CD36: variants seen among roughly 807,000 people sequenced by gnomAD.
The protein encoded by CD36 is CD36 molecule (CD36 blood group).
CD36 carries 119 observed loss-of-function variants against 55.2 expected under a neutral mutation model. That is an observed-to-expected ratio of 2.15 (90% CI 1.86 to 2.51). CD36 has a LOEUF of 2.51. Ranked by LOEUF, CD36 falls within the 30% of genes most tolerant of loss-of-function variation. The pLI, the probability that CD36 is intolerant of heterozygous loss-of-function variation, is 0.00. For missense variants in CD36, 819 were observed against 555.5 expected, an observed-to-expected ratio of 1.47 and a Z score of -4.77; for synonymous variants, 186 against 193.6, an observed-to-expected ratio of 0.96 and a Z score of 0.33.
chr7:80,669,310 A>G (rs1426425176), intron 8 of CD36, among the ~76,000 whole-genome samples: 1 of 152,224 alleles, frequency 6.6e-6, no homozygotes, highest in African/African-American at 2.4e-5. Context: ...AAATCTGGCT[A>G]GTATGATTTG....
At chr7:80,661,357 T>C (rs985684713) in intron 5 of CD36, 147 bp downstream of exon 5, 11 of 758,222 alleles carry the variant, frequency 1.5e-5, no homozygotes, top group Middle Eastern at 3.5e-4. Flanking sequence ...GGAGGCATGG[T>C]CATTTGGAAA....
intron 11 of CD36, 30 bp downstream of exon 11, chr7:80,672,070 G>C (rs555780280): frequency 5.2e-6 from 8 of 1,538,366 alleles, no homozygotes; most frequent in Non-Finnish European, 7.2e-6. Context: ...ATCTGATTTG[G>C]TTGATATTTT....
In CD36 at chr7:80,671,072, A is replaced by G; in HGVS notation, c.914A>G (p.Glu305Gly). ...LPSKAFASPV[E>G]NPDNYCFCTE... Reference sequence around the variant, plus strand: ...TCCAAGGCCTTTGCCTCTCCAGTTGAAAACCCAGACAACTATTGTTTCTGC... The same window carrying G: ...TCCAAGGCCTTTGCCTCTCCAGTTGGAAACCCAGACAACTATTGTTTCTGC... The change falls in exon 10 of 15, where the codon GAA becomes GGA. Residue 305 changes from glutamate to glycine, a missense_variant. Transcript: ENST00000447544. 6.2e-7 allele frequency: 1 copy of G among 1,612,766 alleles called. No individual in the cohort carries two copies. The highest frequency in any genetic ancestry group is 1.1e-5 in the South Asian group (1 of 91,052).
chr7:80,672,565 A>G (rs1483721670), intron 11 of CD36, among the ~76,000 whole-genome samples: 1 of 151,884 alleles, frequency 6.6e-6, no homozygotes, highest in Non-Finnish European at 1.5e-5. Flanking sequence ...TAAAACCTTG[A>G]CATTCGATTG....
chr7:80,634,900 A>G (rs1794295661), upstream of CD36, among the ~76,000 whole-genome samples: 3 of 152,108 alleles, frequency 2.0e-5, no homozygotes, highest in African/African-American at 7.2e-5. Context: ...AAATGTAAAC[A>G]TTTCTGTAAG....
intron 3 of CD36, among the ~76,000 whole-genome samples, chr7:80,651,823 C>A (rs1721354665): frequency 6.6e-6 from 1 of 152,068 alleles, no homozygotes; most frequent in African/African-American, 2.4e-5. Flanking sequence ...GTGGGAGGAT[C>A]CCTTGAGCCC....
chr7:80,629,139 A>G (rs2116053162), intron 1 of CD36, among the ~76,000 whole-genome samples: 1 of 152,136 alleles, frequency 6.6e-6, no homozygotes, highest in South Asian at 2.1e-4. Context: ...ACAGAATTGA[A>G]AACTCCAGTG....
At chr7:80,642,242 G>C (rs1794868416) in intron 1 of CD36, among the ~76,000 whole-genome samples, 1 of 152,106 alleles carries the variant, frequency 6.6e-6, no homozygotes, top group East Asian at 1.9e-4. Context: ...TATCTTGTCT[G>C]TTTCTTATAA....
At chr7:80,631,050 T>C (rs1205752529) in intron 1 of CD36, among the ~76,000 whole-genome samples, 1 of 152,024 alleles carries the variant, frequency 6.6e-6, no homozygotes, top group Non-Finnish European at 1.5e-5. Context: ...CAAAACATCG[T>C]GTCCGAGAAG....
chr7:80,674,521 G>A, intron 14 of CD36: 1 of 243,672 alleles, frequency 4.1e-6, no homozygotes, highest in South Asian at 4.9e-5. Flanking sequence ...ATTGCTGCAT[G>A]TAGACATGCT....
intron 1 of CD36, among the ~76,000 whole-genome samples, chr7:80,643,406 T>G (rs1794946759): frequency 6.6e-6 from 1 of 152,188 alleles, no homozygotes; most frequent in South Asian, 2.1e-4. Flanking sequence ...GAACATAAAA[T>G]AACTTTTCCA....
At chr7:80,642,334 A>T (rs1794875032) in intron 1 of CD36, among the ~76,000 whole-genome samples, 1 of 152,156 alleles carries the variant, frequency 6.6e-6, no homozygotes, top group Non-Finnish European at 1.5e-5. Context: ...ATATATAAGG[A>T]GTTGTGTTAT....
At chr7:80,652,562 T>C (rs1035953425) in intron 3 of CD36, among the ~76,000 whole-genome samples, 29 of 152,222 alleles carry the variant, frequency 1.9e-4, no homozygotes, top group African/African-American at 7.0e-4. Flanking sequence ...ATGATTCGTT[T>C]TAGGCCCAAT....
In CD36 at chr7:80,676,671, T is replaced by A. The variant is rs1798176034; in HGVS notation, c.*288T>A. The A allele has an allele frequency of 6.6e-6, 1 of 152,212 alleles. No individual in the cohort carries two copies. Among genetic ancestry groups the A allele is most frequent in the Non-Finnish European group, 1.5e-5 (1 of 68,042 alleles). The allele number at this position is 152,212 out of a possible 1,614,324, so 9.4% of individuals were successfully genotyped here. ...TATGAATACCTTCATACAGCAGGTA[T>A]AACTCTTTTCTTTATGGGCTTAAAT... On this transcript the variant is annotated 3_prime_UTR_variant, in exon 15 of 15. Coordinates refer to ENST00000447544, the MANE Select transcript of CD36 (RefSeq NM_001001548.3).
intron 1 of CD36, among the ~76,000 whole-genome samples, chr7:80,617,048 A>G (rs1337009602): frequency 1.3e-5 from 2 of 152,210 alleles, no homozygotes; most frequent in East Asian, 3.8e-4. Flanking sequence ...GAGAGGTTTT[A>G]TAATCACATA....
chr7:80,670,583 C>A, intron 9 of CD36: 1 of 238,356 alleles, frequency 4.2e-6, no homozygotes, highest in Non-Finnish European at 8.2e-6. Context: ...TGGAAATGTA[C>A]CAGGTATATA....
At chr7:80,647,181 G>A in intron 3 of CD36, 1 of 294,502 alleles carries the variant, frequency 3.4e-6, no homozygotes, top group Non-Finnish European at 6.7e-6. Context: ...CTTTTGAGTA[G>A]GAAATAAGTG....
chr7:80,667,754 T>TTTTTTTG lies in CD36; in HGVS notation c.748+1271_748+1272insGTTTTTT, dbSNP rs1554344797. 3.7e-3 allele frequency among the ~76,000 whole-genome samples: 474 copies of TTTTTTTG among 128,764 alleles called. 6 individuals are homozygous for TTTTTTTG. The highest frequency in any genetic ancestry group is 0.012 in the African/African-American group (420 of 34,396). 84.5% of individuals were successfully genotyped at this position (128,764 alleles called of 152,430 possible). A position where few individuals can be genotyped will look rare whatever the true frequency, so the allele number is the denominator to read the frequency against. ...TTGCAGGGGTTTTCTTTTGTTTTTT[T>TTTTTTTG]TTTTTTTTTTTTTTGAGACATAGTC... On this transcript the variant is annotated intron_variant, in intron 8 of 14. Coordinates refer to ENST00000447544, the MANE Select transcript of CD36 (RefSeq NM_001001548.3).
upstream of CD36, chr7:80,638,591 G>C (rs115860397): frequency 6.0e-5 from 9 of 150,052 alleles, no homozygotes; most frequent in Non-Finnish European, 1.0e-4. Context: ...TTTTTTTGGG[G>C]GGGGGAGGGG....
Sources: allele counts gnomAD v4.1 joint callset (sites outside exome capture counted in the v4.1 genomes callset), GRCh38; gene constraint gnomAD v4.1.1; transcripts MANE v1.5; gene names NCBI Gene and HGNC (gene_info 2026-07-23, HGNC 2026-07-21).